Variants in BAZ1B observed in about 807,000 individuals in gnomAD.
The protein encoded by BAZ1B is bromodomain adjacent to zinc finger domain 1B.
In BAZ1B, 22 loss-of-function variants were observed where a neutral mutation model predicts 153.8. The ratio of observed to expected loss-of-function variants is 0.14; its 90% CI spans 0.10 to 0.20. BAZ1B has a LOEUF of 0.20. BAZ1B is among the 10% of genes least tolerant of loss of function. The pLI, the probability that BAZ1B is intolerant of heterozygous loss-of-function variation, is 1.00. For missense variants in BAZ1B, 1,325 were observed against 1,799.3 expected, an observed-to-expected ratio of 0.74 and a Z score of 4.77; for synonymous variants, 676 against 633.4, an observed-to-expected ratio of 1.07 and a Z score of -1.01.
intron 1 of BAZ1B, among the ~76,000 whole-genome samples, chr7:73,518,419 T>A (rs1554579673): frequency 2.1e-5 from 3 of 145,120 alleles, no homozygotes. Flanking sequence ...TCTCAAAAAA[T>A]AAATAAATAA....
intron 13 of BAZ1B, among the ~76,000 whole-genome samples, chr7:73,453,991 T>C (rs1175733089): frequency 3.9e-5 from 6 of 151,920 alleles, no homozygotes; most frequent in African/African-American, 1.5e-4. Context: ...CATTCATTCA[T>C]TCACAAATAA....
At chr7:73,467,491 T>C (rs781847905) in intron 9 of BAZ1B, among the ~76,000 whole-genome samples, 36 of 152,186 alleles carry the variant, frequency 2.4e-4, no homozygotes, top group Admixed American at 6.5e-4. Context: ...TGCCTCAGCC[T>C]GCCAAGTAGC....
chr7:73,471,095 T>C (rs1438647241), intron 7 of BAZ1B, among the ~76,000 whole-genome samples: 2 of 152,178 alleles, frequency 1.3e-5, no homozygotes, highest in African/African-American at 2.4e-5. Context: ...AGTCCATAAA[T>C]AGGACTAACT....
At chr7:73,489,081 A>AATTC in intron 6 of BAZ1B, 113 bp downstream of exon 6, 1 of 1,141,846 alleles carries the variant, frequency 8.8e-7, no homozygotes, top group Admixed American at 2.6e-5. Context: ...AAAAATTTTT[A>AATTC]ATTCATTATC....
At chr7:73,511,595 A>C (rs1288767506) in intron 1 of BAZ1B, among the ~76,000 whole-genome samples, 1 of 152,184 alleles carries the variant, frequency 6.6e-6, no homozygotes, top group Non-Finnish European at 1.5e-5. Flanking sequence ...AATTCACCAA[A>C]GTTTCATTAC....
rs782315187 is a variant in BAZ1B at position 73,477,636 on chromosome 7, C to A, written c.1825G>T (p.Asp609Tyr). ...AAGAATTCCACCACCATGGCCACAT[C>A]CCCAAACAGCGTGTTGGGCAGCCCT... ...PEGLPNTLFG[D>Y]VAMVVEFLSC... The change falls in exon 7 of 20, where the codon GAT becomes TAT. Residue 609 changes from aspartate (D) to tyrosine (Y), a missense_variant. Physicochemically the swap from Asp to Tyr is radical, Grantham distance 160 (BLOSUM62 -3). Coordinates refer to ENST00000339594, the MANE Select transcript of BAZ1B (RefSeq NM_032408.4). This position sits in a 1 kb window ranked among gnomAD's most constrained non-coding sequence, Gnocchi z 5.6. 8 of 1,614,222 alleles carry A rather than the reference C, an allele frequency of 5.0e-6. No homozygotes were observed. Among genetic ancestry groups the A allele is most frequent in the Non-Finnish European group, 6.8e-6 (8 of 1,180,040 alleles).
chr7:73,517,326 C>T (rs1196891868), intron 1 of BAZ1B, among the ~76,000 whole-genome samples: 1 of 151,964 alleles, frequency 6.6e-6, no homozygotes, highest in African/African-American at 2.4e-5. Flanking sequence ...GACCTCGTCT[C>T]GTCTCTACAA....
In BAZ1B at chr7:73,450,730, TC is replaced by T; in HGVS notation, c.3580+116del. ...GTTACAGACCTGCAGGAGAGTAAAATCTATACCACACTTATATTCTGTGTAC... is the reference window on the plus strand; with the variant it reads ...GTTACAGACCTGCAGGAGAGTAAAATTATACCACACTTATATTCTGTGTAC... On this transcript the variant is annotated intron_variant, in intron 14 of 19. Transcript: ENST00000339594. The surrounding 1 kb of genome is among the most constrained non-coding windows in gnomAD (Gnocchi z 4.1). 1 of 1,259,416 alleles carries T rather than the reference TC, an allele frequency of 7.9e-7. No individual in the cohort carries two copies. The highest frequency in any genetic ancestry group is 1.1e-6 in the Non-Finnish European group (1 of 901,852). The allele number at this position is 1,259,416 out of a possible 1,614,324, so 78.0% of individuals were successfully genotyped here.
intron 16 of BAZ1B, among the ~76,000 whole-genome samples, chr7:73,446,826 A>G (rs782482297): frequency 5.3e-5 from 8 of 152,208 alleles, no homozygotes; most frequent in Non-Finnish European, 8.8e-5. Flanking sequence ...AACCCTGCAC[A>G]CTGCAGGGAG....
chr7:73,451,629 A>C lies in BAZ1B; in HGVS notation c.3433-635T>G, dbSNP rs189555728. Among the ~76,000 whole-genome samples, 10 of 152,378 alleles carry C rather than the reference A, an allele frequency of 6.6e-5. No homozygotes were observed. In the East Asian group the frequency reaches 1.7e-3, roughly 26 times the overall value. ...TTGTGTGTATAAATTTATGAATAAC[A>C]AGGATAAGTAATATAAACACACATA... is the stretch of plus-strand genomic sequence containing the variant. On this transcript the variant is annotated intron_variant, in intron 13 of 19. Transcript: ENST00000339594.
chr7:73,498,624 A>T lies in BAZ1B; in HGVS notation c.444T>A (p.Thr148=), dbSNP rs1554576680. The T allele has an allele frequency of 1.2e-6, 2 of 1,614,164 alleles. No homozygotes were observed. Among genetic ancestry groups the T allele is most frequent in the African/African-American group, 2.7e-5 (2 of 75,044 alleles). Residue 148 remains threonine (T), a synonymous_variant, in exon 4 of 20, where the codon ACT becomes ACA. Transcript: ENST00000339594. ...CACAGGCACCATCAGATTTCTTCTC[A>T]GTGGCCTCTTCATCCACTTTCTCCA... is the stretch of plus-strand genomic sequence containing the variant. The part of the protein sequence containing the change: ...HPLEKVDEEA[T]EKKSDGACDS...
At chr7:73,486,137 C>G (rs1464648822) in intron 6 of BAZ1B, among the ~76,000 whole-genome samples, 1 of 152,126 alleles carries the variant, frequency 6.6e-6, no homozygotes, top group Non-Finnish European at 1.5e-5. Context: ...CTAAACGTTA[C>G]AAGATATAAA....
At chr7:73,519,658 A>G (rs782292083) in intron 1 of BAZ1B, among the ~76,000 whole-genome samples, 1 of 152,206 alleles carries the variant, frequency 6.6e-6, no homozygotes, top group Non-Finnish European at 1.5e-5. Flanking sequence ...ATTCAATAAT[A>G]TGAAAAAGCC....
At chr7:73,453,577 G>A (rs1554568933) in intron 13 of BAZ1B, among the ~76,000 whole-genome samples, 1 of 152,224 alleles carries the variant, frequency 6.6e-6, no homozygotes, top group African/African-American at 2.4e-5. Context: ...AACCTATGTA[G>A]TAGTAAGACT....
intron 1 of BAZ1B, among the ~76,000 whole-genome samples, chr7:73,517,951 T>TAA (rs1400226970): frequency 6.6e-6 from 1 of 152,258 alleles, no homozygotes; most frequent in African/African-American, 2.4e-5. Flanking sequence ...GTAACTAACC[T>TAA]AAGTGCTCTA....
intron 1 of BAZ1B, among the ~76,000 whole-genome samples, chr7:73,521,172 C>T (rs977062231): frequency 1.3e-5 from 2 of 152,094 alleles, no homozygotes; most frequent in Admixed American, 6.6e-5. Flanking sequence ...CTGTGTCTGC[C>T]CAGGGAAGGC....
At chr7:73,516,017 C>T (rs116963138) in intron 1 of BAZ1B, among the ~76,000 whole-genome samples, 3,294 of 152,146 alleles carry the variant, frequency 0.022, 48 homozygotes, top group Middle Eastern at 0.061. Flanking sequence ...GTGTGGTGCA[C>T]GTGCCTGTAG....
Position 73,521,857 on chromosome 7 carries a change from G to C in BAZ1B, c.77C>G (p.Pro26Arg), listed in dbSNP as rs1309513487. ...GGTGCGGAAGGCCTCCTGAGTGTGC[G>C]GGATGGTGAAGAGCGGCTCCTCTCC... The part of the protein sequence containing the change: ...LPGEEPLFTI[P>R]HTQEAFRTRE... The change falls in exon 1 of 20, where the codon CCG (proline) becomes CGG (arginine). Residue 26 changes from proline to arginine, a missense_variant. Physicochemically the swap from Pro to Arg is moderately radical, Grantham distance 103. Around this residue, in one of 9 missense-constraint regions of BAZ1B, gnomAD observed 61 missense variants for 61.5 expected, o/e 0.99. Coordinates refer to ENST00000339594, the MANE Select transcript of BAZ1B (RefSeq NM_032408.4). The C allele has an allele frequency of 6.6e-7, 1 of 1,510,276 alleles. No individual in the cohort carries two copies. The highest frequency in any genetic ancestry group is 1.4e-5 in the African/African-American group (1 of 69,010). 93.6% of individuals were successfully genotyped at this position (1,510,276 alleles called of 1,614,324 possible).
chr7:73,499,545 A>C (rs1554576830), intron 3 of BAZ1B, among the ~76,000 whole-genome samples: 1 of 152,162 alleles, frequency 6.6e-6, no homozygotes, highest in Non-Finnish European at 1.5e-5. Context: ...TTACAAAATA[A>C]AATAAAATTA....
Sources: allele counts gnomAD v4.1 joint callset (sites outside exome capture counted in the v4.1 genomes callset), GRCh38; gene constraint gnomAD v4.1.1; regional missense constraint gnomAD v4.1.1; non-coding constraint Gnocchi (gnomAD v3.1); transcripts MANE v1.5; gene names NCBI Gene and HGNC (gene_info 2026-07-23, HGNC 2026-07-21).